The following GTPBP6 variants were observed in gnomAD, a reference collection of about 807,000 sequenced individuals.
GTPBP6 encodes the protein putative GTP-binding protein 6.
Under a neutral mutation model 28.9 loss-of-function variants are expected in GTPBP6, and 33 were observed. The observed-to-expected ratio is 1.14, with a 90% CI of 0.87 to 1.53. The LOEUF (loss-of-function observed/expected upper bound fraction) is 1.53, where lower values mean the gene tolerates loss of function less well. Among genes scored for constraint, GTPBP6 ranks in the 40% most tolerant of loss-of-function variants. GTPBP6 has a pLI of 0.00. For synonymous variants in GTPBP6, 231 were observed against 192.7 expected (o/e 1.20, Z -1.65); for missense variants, 507 against 408.3 (o/e 1.24, Z -2.08).
chrX:305,632 A>T (rs866456377), intron 9 of GTPBP6, among the ~76,000 whole-genome samples: 26 of 122,456 alleles, frequency 2.1e-4, no homozygotes, highest in Non-Finnish European at 3.4e-4. Flanking sequence ...TTTATTTTTT[A>T]TTTTTTTTTT....
rs1252457009 is a variant in GTPBP6 at position 314,945 on chromosome X, C to T, written c.634G>A (p.Ala212Thr). 1.4e-4 allele frequency: 57 copies of T among 398,740 alleles called. No individual in the cohort carries two copies. In the East Asian group the frequency reaches 1.8e-3, roughly 12 times the overall value. The allele number at this position is 398,740 out of a possible 1,614,324, so 24.7% of individuals were successfully genotyped here. ...TGAAGCCGGGCCTCCTTCGTGCGGG[C>T]GTTACAGCGGAAGATGTGCAGGACG... The change falls in exon 4 of 10, where the codon GCC becomes ACC. Residue 212 changes from alanine to threonine, a missense_variant. Coordinates refer to ENST00000326153, the Ensembl canonical transcript of GTPBP6.
chrX:315,599 C>T (rs1195058207), intron 2 of GTPBP6, among the ~76,000 whole-genome samples: 20 of 139,744 alleles, frequency 1.4e-4, no homozygotes, highest in South Asian at 5.0e-4. Context: ...AAATACATCC[C>T]GACAGGGACA....
At chrX:317,785 C>G (rs2070467554) in intron 1 of GTPBP6, among the ~76,000 whole-genome samples, 3 of 145,400 alleles carry the variant, frequency 2.1e-5, no homozygotes, top group African/African-American at 7.7e-5. Context: ...AAGCTCCGCC[C>G]CCGCACTTTT....
Position 315,553 on chromosome X carries a change from G to GACACACAC in GTPBP6, c.488-262_488-255dup, listed in dbSNP as rs1215331200. ...AGGGACACAAACACATACACACGCA[G>GACACACAC]ACACACACACACACACACACACACA... On this transcript the variant is annotated intron_variant, in intron 2 of 9. Transcript: ENST00000326153. Among the ~76,000 whole-genome samples, 527 of 110,454 alleles carry GACACACAC rather than the reference G, an allele frequency of 4.8e-3. 14 individuals carry two copies. Among genetic ancestry groups the GACACACAC allele is most frequent in the East Asian group, 0.024 (84 of 3,470 alleles). The allele number at this position is 110,454 out of a possible 152,430, so 72.5% of individuals were successfully genotyped here. A position where few individuals can be genotyped will look rare whatever the true frequency, so the allele number is the denominator to read the frequency against.
chrX:304,987 G>A, exon 10 of GTPBP6: 1 of 1,555,186 alleles, frequency 6.4e-7, no homozygotes, highest in Non-Finnish European at 8.7e-7. Context: ...TGCTGCACCT[G>A]ACACCAAGCT....
intron 1 of GTPBP6, 111 bp from the exon 2 acceptor site, chrX:317,162 C>T (rs1162364369): frequency 5.0e-6 from 2 of 398,120 alleles, no homozygotes; most frequent in Non-Finnish European, 8.9e-6. Context: ...GGAGAAGGCA[C>T]CTTGAGCCGC....
intron 7 of GTPBP6, 120 bp from the exon 8 acceptor site, chrX:308,000 AC>A: frequency 1.1e-6 from 1 of 897,594 alleles, no homozygotes; most frequent in East Asian, 3.0e-5. Flanking sequence ...CATGGGAGGT[AC>A]GCCTGTGTGC....
intron 1 of GTPBP6, among the ~76,000 whole-genome samples, chrX:317,564 G>GGGGC (rs1395144289): frequency 1.1e-5 from 1 of 94,556 alleles, no homozygotes; most frequent in Non-Finnish European, 1.9e-5. Context: ...CTGGGGGGTG[G>GGGGC]GGGGTGGGAC....
At chrX:315,558 A>ACG (rs2070415353) in intron 2 of GTPBP6, among the ~76,000 whole-genome samples, 1 of 11,436 alleles carries the variant, frequency 8.7e-5, no homozygotes, top group African/African-American at 6.2e-4. Flanking sequence ...ACGCAGACAC[A>ACG]CACACACACA....
At chrX:307,585 C>G (rs2070198915) in intron 8 of GTPBP6, 73 bp from the exon 9 acceptor site, 1 of 1,524,044 alleles carries the variant, frequency 6.6e-7, no homozygotes, top group African/African-American at 1.4e-5. Context: ...CCCCAGGAGT[C>G]CACTGCCCAC....
intron 7 of GTPBP6, among the ~76,000 whole-genome samples, chrX:309,703 G>C (rs2070245434): frequency 6.7e-6 from 1 of 149,686 alleles, no homozygotes; most frequent in Non-Finnish European, 1.5e-5. Context: ...AGCTGGGAGA[G>C]GCAGGAAGGA....
chrX:317,724 C>T (rs1292681841), intron 1 of GTPBP6, among the ~76,000 whole-genome samples: 1 of 119,856 alleles, frequency 8.3e-6, no homozygotes, highest in Non-Finnish European at 1.9e-5. Context: ...CCACCCCACC[C>T]CACCCCACGG....
At chrX:315,388 C>T (rs1183829026) in intron 2 of GTPBP6, 89 bp from the exon 3 acceptor site, 3 of 398,438 alleles carry the variant, frequency 7.5e-6, no homozygotes, top group Admixed American at 4.4e-5. Context: ...TGGGATGCAC[C>T]GCGGAGAGCT....
chrX:307,505 G>A, exon 9 of GTPBP6: 1 of 1,610,992 alleles, frequency 6.2e-7, no homozygotes, highest in Non-Finnish European at 8.5e-7. Context: ...GGTTCCGTGG[G>A]GCTGTACCTG....
intron 7 of GTPBP6, among the ~76,000 whole-genome samples, chrX:309,226 G>A (rs868296989): frequency 2.0e-5 from 3 of 152,056 alleles, no homozygotes; most frequent in Admixed American, 6.6e-5. Context: ...ATATTTCCCC[G>A]TGCTCTTCAT....
chrX:314,767 C>T (rs1203543813), intron 4 of GTPBP6, 123 bp downstream of exon 4: 24 of 412,180 alleles, frequency 5.8e-5, no homozygotes, highest in South Asian at 4.1e-4. Context: ...TGAGCCACCG[C>T]GCCCGGCCCC....
chrX:314,199 G>T, exon 5 of GTPBP6: 1 of 1,613,418 alleles, frequency 6.2e-7, no homozygotes, highest in South Asian at 1.1e-5. Flanking sequence ...GGTGGGCGAC[G>T]TCCCTTTTCA....
intron 5 of GTPBP6, among the ~76,000 whole-genome samples, chrX:313,367 G>C (rs1336643352): frequency 1.3e-5 from 2 of 152,180 alleles, no homozygotes; most frequent in Non-Finnish European, 2.9e-5. Context: ...GCAACGACCT[G>C]TGTCCTTCTA....
chrX:311,359 G>T (rs2070290647), intron 7 of GTPBP6, 60 bp downstream of exon 7: 1 of 1,280,262 alleles, frequency 7.8e-7, no homozygotes, highest in East Asian at 2.5e-5. Flanking sequence ...GTGTCTGAGT[G>T]CCCAGCCCCC....
Sources: allele counts gnomAD v4.1 joint callset (sites outside exome capture counted in the v4.1 genomes callset), GRCh38; gene constraint gnomAD v4.1.1; transcripts MANE v1.5; gene names NCBI Gene and HGNC (gene_info 2026-07-23, HGNC 2026-07-21).